Variants in TLX1 observed in about 807,000 individuals in gnomAD.
The protein encoded by TLX1 is T-cell leukemia homeobox protein 1.
Under a neutral mutation model 26.5 loss-of-function variants are expected in TLX1, and 6 were observed. The observed-to-expected ratio is 0.23, with a 90% CI of 0.12 to 0.45. The LOEUF is 0.45. Among genes scored for constraint, TLX1 ranks in the 20% least tolerant of loss-of-function variants. The pLI is 0.99. For synonymous variants in TLX1, 217 were observed against 219.7 expected (o/e 0.99, Z 0.11); for missense variants, 418 against 482.6 (o/e 0.87, Z 1.25).
chr10:101,136,906 G>T lies in TLX1; in HGVS notation c.986G>T (p.Cys329Phe). Residue 329 changes from cysteine to phenylalanine, a missense_variant, in exon 3 of 3, where the codon TGC (cysteine) becomes TTC (phenylalanine). Transcript: ENST00000370196. ...AGCGTCACGTCGGTGGCGTCGGCCT[G>T]CGAGTGAGCCTGCCCATTCTGCCCT... ...ITSVTSVASA[C>F]E 7 of 1,613,536 alleles carry T rather than the reference G, an allele frequency of 4.3e-6. No homozygotes were observed. The highest frequency in any genetic ancestry group is 5.1e-6 in the Non-Finnish European group (6 of 1,179,976).
At chr10:101,135,923 A>G (rs1590130148) in intron 2 of TLX1, among the ~76,000 whole-genome samples, 1 of 152,214 alleles carries the variant, frequency 6.6e-6, no homozygotes, top group East Asian at 1.9e-4. Flanking sequence ...CAGAGTCAAG[A>G]AAAGGCGGCC....
In TLX1 at chr10:101,137,164, TTTTG is replaced by T. The variant is rs1407768439; in HGVS notation, c.*255_*258del. 2.0e-6 allele frequency: 1 copy of T among 511,418 alleles called. No individual in the cohort carries two copies. Among genetic ancestry groups the T allele is most frequent in the Non-Finnish European group, 3.4e-6 (1 of 291,676 alleles). The allele number at this position is 511,418 out of a possible 1,614,324, so 31.7% of individuals were successfully genotyped here. On this transcript the variant is annotated 3_prime_UTR_variant, in exon 3 of 3. Transcript: ENST00000370196. ...CTGTCTGAACTGTTAAGAAATCTGTTTTTGTTTATTTCATTTTATTTTAATTTTT... is the reference window on the plus strand; with the variant it reads ...CTGTCTGAACTGTTAAGAAATCTGTTTTTATTTCATTTTATTTTAATTTTT...
rs1940194084 is a variant in TLX1, at chr10:101,132,202, C to T, written c.568+93C>T. On this transcript the variant is annotated intron_variant, in intron 1 of 2. Transcript: ENST00000370196. This position sits in a 1 kb window ranked among gnomAD's most constrained non-coding sequence, Gnocchi z 4.1. ...GTGGCTCCCCAAAGCCGGTTCTGCG[C>T]TCCAGGTCGCCCAGCTCTTCTTGGT... The T allele has an allele frequency of 8.8e-7, 1 of 1,138,622 alleles. No homozygotes were observed. The highest frequency in any genetic ancestry group is 3.3e-5 in the South Asian group (1 of 29,926). 70.5% of individuals were successfully genotyped at this position (1,138,622 alleles called of 1,614,324 possible). A position where few individuals can be genotyped will look rare whatever the true frequency, so the allele number is the denominator to read the frequency against.
Position 101,131,522 on chromosome 10 carries a change from C to G in TLX1, c.-20C>G. On this transcript the variant is annotated 5_prime_UTR_variant, in exon 1 of 3. Coordinates refer to ENST00000370196, the MANE Select transcript of TLX1 (RefSeq NM_005521.4). ...CAGCGAGCGCCGCCGCCCGGGCCCC[C>G]CGGTGGGGCCAGGGCCAGCATGGAG... 8 of 1,426,378 alleles carry G rather than the reference C, an allele frequency of 5.6e-6. No individual in the cohort carries two copies. Among genetic ancestry groups the G allele is most frequent in the East Asian group, 2.8e-5 (1 of 36,104 alleles). 88.4% of individuals were successfully genotyped at this position (1,426,378 alleles called of 1,614,324 possible). A position where few individuals can be genotyped will look rare whatever the true frequency, so the allele number is the denominator to read the frequency against.
chr10:101,133,886 C>T (rs1420756013), intron 1 of TLX1, among the ~76,000 whole-genome samples: 5 of 152,128 alleles, frequency 3.3e-5, no homozygotes, highest in Non-Finnish European at 5.9e-5. Context: ...GGAGAGGCGG[C>T]AGGGAGGTGG....
In TLX1 at chr10:101,132,133, C is replaced by A; in HGVS notation, c.568+24C>A. ...AGGTGAGTCCGGCCCGCGCGCTCCC[C>A]GCCTGGCCGCGGCCCGGGCTCCGTG... On this transcript the variant is annotated intron_variant, in intron 1 of 2. Transcript: ENST00000370196. The surrounding 1 kb of genome is among the most constrained non-coding windows in gnomAD (Gnocchi z 4.1). 1 of 1,330,484 alleles carries A rather than the reference C, an allele frequency of 7.5e-7. No individual in the cohort carries two copies. The highest frequency in any genetic ancestry group is 9.6e-7 in the Non-Finnish European group (1 of 1,042,206). The allele number at this position is 1,330,484 out of a possible 1,614,324, so 82.4% of individuals were successfully genotyped here. A position where few individuals can be genotyped will look rare whatever the true frequency, so the allele number is the denominator to read the frequency against.
rs1262570832 is a variant in TLX1, at chr10:101,131,911, G to C, written c.370G>C (p.Gly124Arg). Residue 124 changes from glycine to arginine, a missense_variant, in exon 1 of 3, where the codon GGG becomes CGG. By Grantham distance (125) the Gly-to-Arg change is moderately radical. Coordinates refer to ENST00000370196, the MANE Select transcript of TLX1 (RefSeq NM_005521.4). Reference protein sequence around the residue: ...GGGGGSSGGAGALSAAGVIRV... With the variant: ...GGGGGSSGGARALSAAGVIRV... ...CGGCGGCGGCAGCAGCGGCGGTGCC[G>C]GGGCACTCAGCGCTGCGGGGGTAAT... 6 of 1,398,472 alleles carry C rather than the reference G, an allele frequency of 4.3e-6. No homozygotes were observed. Among genetic ancestry groups the C allele is most frequent in the Non-Finnish European group, 5.5e-6 (6 of 1,084,604 alleles). The allele number at this position is 1,398,472 out of a possible 1,614,324, so 86.6% of individuals were successfully genotyped here. A position where few individuals can be genotyped will look rare whatever the true frequency, so the allele number is the denominator to read the frequency against.
chr10:101,136,718 C>G lies in TLX1; in HGVS notation c.798C>G (p.Ala266=). The G allele has an allele frequency of 6.2e-7, 1 of 1,612,896 alleles. No individual in the cohort carries two copies. The highest frequency in any genetic ancestry group is 8.5e-7 in the Non-Finnish European group (1 of 1,179,990). Residue 266 remains alanine (A), a synonymous_variant, in exon 3 of 3, where the codon GCC becomes GCG. Coordinates refer to ENST00000370196, the MANE Select transcript of TLX1 (RefSeq NM_005521.4). ...WRRQTAEERE[A]ERQQANRILL... ...GGCAGACTGCGGAGGAACGGGAGGCCGAGAGGCAGCAAGCGAACCGCATCC... is the reference window on the plus strand; with the variant it reads ...GGCAGACTGCGGAGGAACGGGAGGCGGAGAGGCAGCAAGCGAACCGCATCC...
Position 101,136,994 on chromosome 10 carries a change from C to G in TLX1, c.*81C>G. On this transcript the variant is annotated 3_prime_UTR_variant, in exon 3 of 3. Transcript: ENST00000370196. ...GAGACCCAGGACTCCTCCCCACCCT[C>G]CTGGCCTCAGACTGCACCCAGGAGG... 6.5e-7 allele frequency: 1 copy of G among 1,543,778 alleles called. No homozygotes were observed. Among genetic ancestry groups the G allele is most frequent in the South Asian group, 1.2e-5 (1 of 83,712 alleles).
At position 101,131,815 on chromosome 10, in the gene TLX1, T is replaced by C; in HGVS notation, c.274T>C (p.Cys92Arg). The change falls in exon 1 of 3, where the codon TGC becomes CGC. Residue 92 changes from cysteine (C) to arginine (R), a missense_variant. Transcript: ENST00000370196. ...AGGCCCGGCAGGCGGCGGCGGCGCC[T>C]GCAGCATGGGTCCTCTGACCGGCTC... The part of the protein sequence containing the change: ...PGGPAGGGGA[C>R]SMGPLTGSYN... 1.4e-6 allele frequency: 2 copies of C among 1,392,808 alleles called. No individual in the cohort carries two copies. Among genetic ancestry groups the C allele is most frequent in the Non-Finnish European group, 1.9e-6 (2 of 1,080,424 alleles). 86.3% of individuals were successfully genotyped at this position (1,392,808 alleles called of 1,614,324 possible).
rs1940259562 is a variant in TLX1, at chr10:101,134,968, G to T, written c.770+592G>T. 5.3e-5 allele frequency among the ~76,000 whole-genome samples: 8 copies of T among 152,256 alleles called. No individual in the cohort carries two copies. In the South Asian group the frequency reaches 1.7e-3, roughly 32 times the overall value. Reference sequence around the variant, plus strand: ...GGGGTTTCGCGGGTCCCACTGGAAGGGGAATCAATTAGGAGCAGATGGGTG... The same window carrying T: ...GGGGTTTCGCGGGTCCCACTGGAAGTGGAATCAATTAGGAGCAGATGGGTG... On this transcript the variant is annotated intron_variant, in intron 2 of 2. Coordinates refer to ENST00000370196, the MANE Select transcript of TLX1 (RefSeq NM_005521.4).
At chr10:101,135,640 A>C (rs1463483605) in intron 2 of TLX1, 1 of 152,262 alleles carries the variant, frequency 6.6e-6, no homozygotes, top group Non-Finnish European at 1.5e-5. Context: ...AAACACAACC[A>C]GTTTCAGAGG....
Position 101,131,703 on chromosome 10 carries a change from C to G in TLX1, c.162C>G (p.Ala54=), listed in dbSNP as rs11599711. ...GCCTTGGCTGCTTGGTCGGAGGCGC[C>G]TACACTTACGGCGGCGGGGGCTCCG... ...EYGLGCLVGG[A]YTYGGGGSAA... Residue 54 remains alanine, a synonymous_variant, in exon 1 of 3, where the codon GCC becomes GCG. Transcript: ENST00000370196. 3.3e-6 allele frequency: 5 copies of G among 1,503,118 alleles called. No individual in the cohort carries two copies. The highest frequency in any genetic ancestry group is 8.8e-7 in the Non-Finnish European group (1 of 1,133,094). The allele number at this position is 1,503,118 out of a possible 1,614,324, so 93.1% of individuals were successfully genotyped here.
Position 101,131,747 on chromosome 10 carries a change from G to A in TLX1, c.206G>A (p.Gly69Glu), listed in dbSNP as rs1449288044. 7.0e-7 allele frequency: 1 copy of A among 1,424,454 alleles called. No individual in the cohort carries two copies. Among genetic ancestry groups the A allele is most frequent in the African/African-American group, 1.5e-5 (1 of 66,284 alleles). The allele number at this position is 1,424,454 out of a possible 1,614,324, so 88.2% of individuals were successfully genotyped here. Residue 69 changes from glycine (G) to glutamate (E), a missense_variant, in exon 1 of 3, where the codon GGA (glycine) becomes GAA (glutamate). Physicochemically the swap from Gly to Glu is moderately conservative, Grantham distance 98 (BLOSUM62 -2). Around this residue, in one of 3 missense-constraint regions of TLX1, gnomAD observed 322 missense variants for 344.6 expected, o/e 0.93. Transcript: ENST00000370196. ...GGGSAAATGA[G>E]GAGAYGTGGP... The stretch of plus-strand genomic sequence containing the variant: ...GGCTCCGCGGCCGCGACGGGGGCTG[G>A]AGGAGCGGGGGCCTATGGTACTGGA...
intron 2 of TLX1, among the ~76,000 whole-genome samples, chr10:101,136,359 C>T (rs188582633): frequency 1.1e-3 from 162 of 152,258 alleles, no homozygotes; most frequent in African/African-American, 3.8e-3. Flanking sequence ...GAGGGGGAGG[C>T]GAGATGCCAT....
chr10:101,135,985 G>C (rs1422998939), intron 2 of TLX1, among the ~76,000 whole-genome samples: 1 of 152,212 alleles, frequency 6.6e-6, no homozygotes, highest in Non-Finnish European at 1.5e-5. Flanking sequence ...GCTTCGCATG[G>C]CTTCATCGAT....
rs922679332 is a variant in TLX1, at chr10:101,132,578, C to T, written c.568+469C>T. Among the ~76,000 whole-genome samples the T allele has an allele frequency of 1.3e-5, 2 of 152,180 alleles. No individual in the cohort carries two copies. The highest frequency in any genetic ancestry group is 2.9e-5 in the Non-Finnish European group (2 of 68,036). On this transcript the variant is annotated intron_variant, in intron 1 of 2. Coordinates refer to ENST00000370196, the MANE Select transcript of TLX1 (RefSeq NM_005521.4). This position sits in a 1 kb window ranked among gnomAD's most constrained non-coding sequence, Gnocchi z 4.1. Reference sequence around the variant, plus strand: ...TCCAGTCCCCTACACACATGCACTTCGCGCCCCTAGCTCCGGTGCCCGTGG... The same window carrying T: ...TCCAGTCCCCTACACACATGCACTTTGCGCCCCTAGCTCCGGTGCCCGTGG...
At chr10:101,136,571 TG>T in intron 2 of TLX1, 119 bp from the exon 3 acceptor site, 1 of 1,557,728 alleles carries the variant, frequency 6.4e-7, no homozygotes, top group Non-Finnish European at 8.8e-7. Flanking sequence ...AAACTGGATT[TG>T]GGGACTGCAA....
intron 2 of TLX1, chr10:101,135,478 A>G (rs745956215): frequency 6.5e-6 from 1 of 154,396 alleles, no homozygotes; most frequent in Non-Finnish European, 1.5e-5. Flanking sequence ...TTGGAACGCT[A>G]AAGAGGGAGC....
Sources: gnomAD v4.1 joint callset for allele counts (sites outside exome capture counted in the v4.1 genomes callset) on GRCh38, gnomAD v4.1.1 for gene constraint, gnomAD v4.1.1 regional missense constraint, Gnocchi (gnomAD v3.1) non-coding constraint, MANE v1.5 for transcripts, NCBI Gene and HGNC (gene_info 2026-07-23, HGNC 2026-07-21) for gene names.